Variants in FIP1L1 observed in about 807,000 individuals in gnomAD.
The protein encoded by FIP1L1 is factor interacting with PAPOLA and CPSF1.
FIP1L1 carries 21 observed loss-of-function variants against 84.6 expected under a neutral mutation model. The ratio of observed to expected loss-of-function variants is 0.25; its 90% CI spans 0.18 to 0.36. The LOEUF (loss-of-function observed/expected upper bound fraction) is 0.36, where lower values mean the gene tolerates loss of function less well. Among genes scored for constraint, FIP1L1 ranks in the 10% least tolerant of loss-of-function variants. The pLI is 1.00. For missense variants in FIP1L1, 526 were observed against 751.1 expected, an observed-to-expected ratio of 0.70 and a Z score of 3.50; for synonymous variants, 263 against 242.3, an observed-to-expected ratio of 1.09 and a Z score of -0.80.
At chr4:53,407,396 C>A (rs755515730) in intron 10 of FIP1L1, among the ~76,000 whole-genome samples, 17 of 152,240 alleles carry the variant, frequency 1.1e-4, no homozygotes, top group East Asian at 1.9e-4. Context: ...AATTTCTGTT[C>A]TTTTACATTT....
chr4:53,421,453 A>G (rs1762387931), intron 11 of FIP1L1, among the ~76,000 whole-genome samples: 1 of 152,158 alleles, frequency 6.6e-6, no homozygotes, highest in Non-Finnish European at 1.5e-5. Context: ...CTATCTTCCC[A>G]TCCTACATGT....
In FIP1L1 at chr4:53,437,619, A is replaced by G. The variant is rs202145256; in HGVS notation, c.1175-5034A>G. Among the ~76,000 whole-genome samples, 5 of 152,228 alleles carry G rather than the reference A, an allele frequency of 3.3e-5. No individual in the cohort carries two copies. The East Asian group carries it at 9.6e-4, about 29-fold the overall frequency. On this transcript the variant is annotated intron_variant, in intron 13 of 17. Coordinates refer to ENST00000337488, the MANE Select transcript of FIP1L1 (RefSeq NM_030917.4). ...GGTCCCACCCCAGACTTACTGAATCAGAAATTCTAGGGGAAGGGCCCAGCA... is the reference window on the plus strand; with the variant it reads ...GGTCCCACCCCAGACTTACTGAATCGGAAATTCTAGGGGAAGGGCCCAGCA...
chr4:53,421,562 T>A (rs1762444806), intron 11 of FIP1L1, among the ~76,000 whole-genome samples: 1 of 152,200 alleles, frequency 6.6e-6, no homozygotes, highest in African/African-American at 2.4e-5. Flanking sequence ...GTGACCTGAA[T>A]TAAATGTCAT....
intron 10 of FIP1L1, among the ~76,000 whole-genome samples, chr4:53,409,572 G>T (rs1402387409): frequency 6.6e-6 from 1 of 152,208 alleles, no homozygotes; most frequent in Non-Finnish European, 1.5e-5. Context: ...CTGTCTTTTT[G>T]TCTGTGCCCT....
rs1217147768 is a variant in FIP1L1 at position 53,460,675 on chromosome 4, A to AATG, written c.*1227_*1229dup. The AATG allele has an allele frequency of 4.8e-6, 2 of 419,186 alleles. No homozygotes were observed. The highest frequency in any genetic ancestry group is 4.5e-5 in the Admixed American group (1 of 22,038). The allele number at this position is 419,186 out of a possible 1,614,324, so 26.0% of individuals were successfully genotyped here. A position where few individuals can be genotyped will look rare whatever the true frequency, so the allele number is the denominator to read the frequency against. On this transcript the variant is annotated 3_prime_UTR_variant, in exon 18 of 18. Coordinates refer to ENST00000337488, the MANE Select transcript of FIP1L1 (RefSeq NM_030917.4). ...TTTATTGAATAGAAAAAATATAAACAATGTTGTAGAGTAATGAGAAATCCT... is the reference window on the plus strand; with the variant it reads ...TTTATTGAATAGAAAAAATATAAACAATGATGTTGTAGAGTAATGAGAAATCCT...
At chr4:53,416,432 T>C (rs1479045011) in intron 11 of FIP1L1, among the ~76,000 whole-genome samples, 1 of 152,206 alleles carries the variant, frequency 6.6e-6, no homozygotes, top group Non-Finnish European at 1.5e-5. Flanking sequence ...ATTACCACAA[T>C]CGTAACATAG....
intron 10 of FIP1L1, among the ~76,000 whole-genome samples, chr4:53,409,213 A>C (rs1755644707): frequency 6.6e-6 from 1 of 152,236 alleles, no homozygotes; most frequent in South Asian, 2.1e-4. Context: ...TCCTTCTAAC[A>C]GACAGGACCC....
chr4:53,446,492 C>T (rs1220375521), intron 15 of FIP1L1, among the ~76,000 whole-genome samples: 2 of 152,108 alleles, frequency 1.3e-5, no homozygotes, highest in South Asian at 2.1e-4. Context: ...AAGCATAGGC[C>T]CTGCAGTTAG....
intron 7 of FIP1L1, 90 bp from the exon 8 acceptor site, chr4:53,390,919 A>T: frequency 1.8e-6 from 2 of 1,103,594 alleles, no homozygotes; most frequent in Non-Finnish European, 2.5e-6. Context: ...TAGAACTCTA[A>T]ATTTATATTT....
Position 53,377,726 on chromosome 4 carries a change from T to C in FIP1L1, c.-113T>C. ...CCTGGGATTGGAGTCTCGAGCTTTC[T>C]TCGTTCGTTCGTCGGCGGGTTCGCG... On this transcript the variant is annotated 5_prime_UTR_variant, in exon 1 of 18. Transcript: ENST00000337488. The C allele has an allele frequency of 5.0e-6, 5 of 990,162 alleles. No individual in the cohort carries two copies. The highest frequency in any genetic ancestry group is 3.6e-5 in the South Asian group (2 of 55,134). 61.3% of individuals were successfully genotyped at this position (990,162 alleles called of 1,614,324 possible).
chr4:53,458,402 A>G (rs1220112229), intron 16 of FIP1L1: 2 of 279,000 alleles, frequency 7.2e-6, no homozygotes, highest in Non-Finnish European at 1.3e-5. Context: ...AACAGCTATG[A>G]AAGCACAGAA....
intron 10 of FIP1L1, among the ~76,000 whole-genome samples, chr4:53,407,540 G>A (rs1754341593): frequency 6.6e-6 from 1 of 151,960 alleles, no homozygotes; most frequent in Admixed American, 6.6e-5. Flanking sequence ...TTGGTGCAGA[G>A]CTGAGTTCAA....
In FIP1L1 at chr4:53,390,559, A is replaced by G. The variant is rs754706833; in HGVS notation, c.436A>G (p.Ser146Gly). Residue 146 changes from serine (S) to glycine (G), a missense_variant, in exon 7 of 18, where the codon AGC becomes GGC. Physicochemically the swap from Ser to Gly is moderately conservative, Grantham distance 56. Around this residue, in one of 6 missense-constraint regions of FIP1L1, gnomAD observed 169 missense variants for 206.9 expected, o/e 0.82. Coordinates refer to ENST00000337488, the MANE Select transcript of FIP1L1 (RefSeq NM_030917.4). The stretch of plus-strand genomic sequence containing the variant: ...AGGAGTAGACCTTGATGCACCTGGA[A>G]GCATTAATGGAGTTCCACTCTTAGA... Reference protein sequence around the residue: ...VKGVDLDAPGSINGVPLLEVD... With the variant: ...VKGVDLDAPGGINGVPLLEVD... The G allele has an allele frequency of 6.2e-7, 1 of 1,613,454 alleles. No individual in the cohort carries two copies. Among genetic ancestry groups the G allele is most frequent in the Admixed American group, 1.7e-5 (1 of 59,978 alleles).
chr4:53,380,952 A>C (rs1418888806), intron 3 of FIP1L1, among the ~76,000 whole-genome samples: 2 of 152,160 alleles, frequency 1.3e-5, no homozygotes, highest in African/African-American at 4.8e-5. Flanking sequence ...CTTTCTAATC[A>C]AACATTCTTT....
At chr4:53,391,759 CAT>C (rs1282141013) in intron 9 of FIP1L1, among the ~76,000 whole-genome samples, 1 of 152,112 alleles carries the variant, frequency 6.6e-6, no homozygotes. Context: ...AGTCGTAATA[CAT>C]GTTTGTAGGA....
intron 15 of FIP1L1, among the ~76,000 whole-genome samples, chr4:53,444,420 T>C (rs1295136104): frequency 5.3e-5 from 8 of 152,338 alleles, no homozygotes; most frequent in African/African-American, 1.7e-4. Context: ...TCTTCACTTA[T>C]GGCACACACC....
chr4:53,387,174 A>G (rs1429370507), intron 5 of FIP1L1, among the ~76,000 whole-genome samples: 1 of 152,232 alleles, frequency 6.6e-6, no homozygotes, highest in African/African-American at 2.4e-5. Flanking sequence ...TTAGAGAAAC[A>G]GAAATATAGT....
chr4:53,401,468 CAG>C, intron 10 of FIP1L1, among the ~76,000 whole-genome samples: 1 of 152,256 alleles, frequency 6.6e-6, no homozygotes, highest in South Asian at 2.1e-4. Context: ...TGGGTGAAAA[CAG>C]GGAGGCCAGT....
intron 13 of FIP1L1, among the ~76,000 whole-genome samples, chr4:53,431,900 C>T (rs1281132698): frequency 6.6e-6 from 1 of 152,160 alleles, no homozygotes; most frequent in Admixed American, 6.5e-5. Context: ...GTATTGCCTC[C>T]TCTCACCCTT....
Sources: gnomAD v4.1 joint callset for allele counts (sites outside exome capture counted in the v4.1 genomes callset) on GRCh38, gnomAD v4.1.1 for gene constraint, gnomAD v4.1.1 regional missense constraint, MANE v1.5 for transcripts, NCBI Gene and HGNC (gene_info 2026-07-23, HGNC 2026-07-21) for gene names.